TNRC6B: variants seen among roughly 807,000 people sequenced by gnomAD.
The protein encoded by TNRC6B is trinucleotide repeat containing adaptor 6B.
Under a neutral mutation model 203.6 loss-of-function variants are expected in TNRC6B, and 52 were observed. The observed-to-expected ratio is 0.26, with a 90% CI of 0.20 to 0.32. The LOEUF (loss-of-function observed/expected upper bound fraction) is 0.32, where lower values mean the gene tolerates loss of function less well. Among genes scored for constraint, TNRC6B ranks in the 10% least tolerant of loss-of-function variants. The pLI is 1.00. For synonymous variants in TNRC6B, 838 were observed against 845.7 expected, an observed-to-expected ratio of 0.99 and a Z score of 0.16; for missense variants, 1,923 against 2,286.2, an observed-to-expected ratio of 0.84 and a Z score of 3.24.
chr22:40,117,231 A>G (rs1314436522), intron 2 of TNRC6B: 1 of 152,438 alleles, frequency 6.6e-6, no homozygotes, highest in South Asian at 2.1e-4. Flanking sequence ...CCAAGTTCTT[A>G]CAGAAAGATA....
intron 3 of TNRC6B, among the ~76,000 whole-genome samples, chr22:40,140,795 C>T (rs1205973148): frequency 1.3e-5 from 2 of 152,022 alleles, no homozygotes; most frequent in African/African-American, 4.8e-5. Flanking sequence ...TGCATGCCAC[C>T]ATGCCTGGCT....
chr22:40,280,668 T>G (rs28360630), intron 10 of TNRC6B, among the ~76,000 whole-genome samples: 11,323 of 152,312 alleles, frequency 0.074, 564 homozygotes, highest in Middle Eastern at 0.13. Flanking sequence ...AATTATATCT[T>G]GATCCAGAAT....
intron 3 of TNRC6B, among the ~76,000 whole-genome samples, chr22:40,154,844 A>C: frequency 5.6e-5 from 1 of 17,710 alleles, no homozygotes; most frequent in South Asian, 2.4e-3. Context: ...CTATCTCAAA[A>C]AAAAAAAAAA....
intron 4 of TNRC6B, among the ~76,000 whole-genome samples, chr22:40,169,631 C>G (rs181792176): frequency 6.6e-6 from 1 of 152,126 alleles, no homozygotes; most frequent in South Asian, 2.1e-4. Flanking sequence ...AGTGGCTTTC[C>G]GACTTTTCTT....
intron 1 of TNRC6B, among the ~76,000 whole-genome samples, chr22:40,115,577 G>A (rs2068379804): frequency 6.6e-6 from 1 of 152,162 alleles, no homozygotes; most frequent in African/African-American, 2.4e-5. Flanking sequence ...CAAATTCAAA[G>A]GTGTGTCAGA....
intron 5 of TNRC6B, 70 bp downstream of exon 5, chr22:40,267,106 G>T (rs886498052): frequency 8.5e-6 from 12 of 1,403,576 alleles, no homozygotes; most frequent in Non-Finnish European, 1.0e-5. Context: ...TTTTTATTAG[G>T]TGAATTTATT....
At chr22:40,309,596 A>G (rs187155897) in intron 16 of TNRC6B, among the ~76,000 whole-genome samples, 5 of 152,358 alleles carry the variant, frequency 3.3e-5, no homozygotes, top group Non-Finnish European at 5.9e-5. Context: ...ACTGATATCT[A>G]CAGCTTTGGG....
intron 1 of TNRC6B, among the ~76,000 whole-genome samples, chr22:40,049,301 C>A (rs139760263): frequency 6.6e-6 from 1 of 151,794 alleles, no homozygotes; most frequent in Non-Finnish European, 1.5e-5. Context: ...TGCTAGGACA[C>A]GGATGAGCCA....
chr22:40,133,970 CAAAAAAAAAAAAAAAAA>C (rs57924620), intron 3 of TNRC6B, among the ~76,000 whole-genome samples: 3 of 45,952 alleles, frequency 6.5e-5, no homozygotes, highest in Non-Finnish European at 1.2e-4. Context: ...AGCTCCGTCT[CAAAAAAAAAAAAAAAAA>C]AAAAAAAAAA....
intron 2 of TNRC6B, among the ~76,000 whole-genome samples, chr22:40,118,139 A>G (rs73885652): frequency 0.018 from 2,763 of 152,256 alleles, 86 homozygotes; most frequent in African/African-American, 0.063. Flanking sequence ...ATTTCTCCCC[A>G]ACCCTTTGCT....
chr22:40,180,477 T>C (rs145150378), intron 1 of TNRC6B, among the ~76,000 whole-genome samples: 31 of 152,334 alleles, frequency 2.0e-4, no homozygotes, highest in African/African-American at 6.0e-4. Flanking sequence ...TTTTTATAAA[T>C]ATTCTTTTCC....
intron 15 of TNRC6B, among the ~76,000 whole-genome samples, chr22:40,303,001 G>A (rs998874780): frequency 6.6e-6 from 1 of 151,300 alleles, no homozygotes; most frequent in Non-Finnish European, 1.5e-5. Context: ...TACTAACAAA[G>A]GTGTCCTTAT....
At chr22:40,290,188 C>G (rs2070850994) in intron 12 of TNRC6B, among the ~76,000 whole-genome samples, 1 of 152,224 alleles carries the variant, frequency 6.6e-6, no homozygotes, top group African/African-American at 2.4e-5. Context: ...CACATCAGCC[C>G]TTGAAATGTG....
At chr22:40,147,143 C>T (rs1345247977) in intron 3 of TNRC6B, among the ~76,000 whole-genome samples, 1 of 152,164 alleles carries the variant, frequency 6.6e-6, no homozygotes, top group Non-Finnish European at 1.5e-5. Flanking sequence ...CTGACACATG[C>T]TACAACATAG....
intron 1 of TNRC6B, among the ~76,000 whole-genome samples, chr22:40,240,967 GT>G (rs1038135054): frequency 6.6e-6 from 1 of 152,138 alleles, no homozygotes; most frequent in Non-Finnish European, 1.5e-5. Flanking sequence ...AGGTAATAAT[GT>G]TTTCAAGTGT....
In TNRC6B at chr22:40,262,135, C is replaced by T; in HGVS notation, c.419C>T (p.Thr140Ile). ...PGANPNNAQVTGALLQSESGT... is the reference protein window; with the variant it reads ...PGANPNNAQVIGALLQSESGT... ...GCAAACCCAAACAACGCACAAGTGA[C>T]AGGAGCGCTGCTGCAGAGTGAGAGT... is the stretch of plus-strand genomic sequence containing the variant. The change falls in exon 4 of 23, where the codon ACA becomes ATA. Residue 140 changes from threonine (T) to isoleucine (I), a missense_variant. Coordinates refer to ENST00000454349, the MANE Select transcript of TNRC6B (RefSeq NM_001162501.2). 1 of 1,486,908 alleles carries T rather than the reference C, an allele frequency of 6.7e-7. No individual in the cohort carries two copies. The highest frequency in any genetic ancestry group is 9.1e-7 in the Non-Finnish European group (1 of 1,099,816). 92.1% of individuals were successfully genotyped at this position (1,486,908 alleles called of 1,614,324 possible).
At chr22:40,059,212 C>G (rs192020641) in intron 1 of TNRC6B, among the ~76,000 whole-genome samples, 1 of 152,198 alleles carries the variant, frequency 6.6e-6, no homozygotes, top group Non-Finnish European at 1.5e-5. Context: ...GTCCCCCTTA[C>G]TCTCAAAAAG....
chr22:40,189,498 CA>C (rs56029573), intron 1 of TNRC6B, among the ~76,000 whole-genome samples: 49,107 of 112,124 alleles, frequency 0.44, 10,996 homozygotes, highest in African/African-American at 0.7. Flanking sequence ...TTTGTCTGCC[CA>C]AAAAAAAAAA....
chr22:40,231,686 T>C (rs1249194265), intron 1 of TNRC6B, among the ~76,000 whole-genome samples: 1 of 152,168 alleles, frequency 6.6e-6, no homozygotes, highest in African/African-American at 2.4e-5. Context: ...AAGATTTTAA[T>C]ATAGGGAATC....
Sources: gnomAD v4.1 joint callset for allele counts (sites outside exome capture counted in the v4.1 genomes callset) on GRCh38, gnomAD v4.1.1 for gene constraint, MANE v1.5 for transcripts, NCBI Gene and HGNC (gene_info 2026-07-23, HGNC 2026-07-21) for gene names.